STAC2: variants seen among roughly 807,000 people sequenced by gnomAD.
STAC2 encodes SH3 and cysteine rich domain 2.
In STAC2, 36 loss-of-function variants were observed where a neutral mutation model predicts 49.0. That is an observed-to-expected ratio of 0.74 (90% CI 0.56 to 0.97). The LOEUF (loss-of-function observed/expected upper bound fraction) is 0.97, where lower values mean the gene tolerates loss of function less well. STAC2 is among the 50% of genes least tolerant of loss of function. The probability of loss-of-function intolerance (pLI) is 0.00; values close to 1 mark genes in which losing one functional copy is unlikely to be tolerated. For synonymous variants in STAC2, 239 were observed against 214.7 expected (o/e 1.11, Z -0.99); for missense variants, 527 against 543.8 (o/e 0.97, Z 0.31).
Position 39,217,944 on chromosome 17 carries a change from G to C in STAC2, c.320C>G (p.Pro107Arg), listed in dbSNP as rs2046421011. ...TTCCTGGAAGCTGTGCAGCCTCACT[G>C]GTTTGAGCGCTGCCAGGGGGCGTGG... is the stretch of plus-strand genomic sequence containing the variant. Reference protein sequence around the residue: ...PVPRPLAALKPVRLHSFQEHV... With the variant: ...PVPRPLAALKRVRLHSFQEHV... The change falls in exon 2 of 11, where the codon CCA becomes CGA. Residue 107 changes from proline (P) to arginine (R), a missense_variant. By Grantham distance (103) the Pro-to-Arg change is moderately radical. Coordinates refer to ENST00000333461, the MANE Select transcript of STAC2 (RefSeq NM_198993.5). 1 of 1,601,192 alleles carries C rather than the reference G, an allele frequency of 6.2e-7. No individual in the cohort carries two copies. The highest frequency in any genetic ancestry group is 1.3e-5 in the African/African-American group (1 of 74,620).
At chr17:39,224,254 T>C (rs545272045) in intron 1 of STAC2, among the ~76,000 whole-genome samples, 8 of 152,306 alleles carry the variant, frequency 5.3e-5, no homozygotes, top group African/African-American at 1.7e-4. Flanking sequence ...GCTCCCATCA[T>C]TTCTGGTCCT....
At chr17:39,217,757 T>C (rs1021041794) in intron 2 of STAC2, 110 bp downstream of exon 2, 30 of 1,111,294 alleles carry the variant, frequency 2.7e-5, no homozygotes, top group Middle Eastern at 3.0e-4. Context: ...ACAATTAGTA[T>C]TGGGGCTCCT....
At chr17:39,217,294 C>T (rs980800916) in intron 2 of STAC2, 121 bp from the exon 3 acceptor site, 64 of 883,176 alleles carry the variant, frequency 7.2e-5, no homozygotes, top group Non-Finnish European at 1.1e-4. Flanking sequence ...TGAGGCCCAG[C>T]ACCTACCCCT....
chr17:39,211,707 T>C lies in STAC2; in HGVS notation c.*585A>G, dbSNP rs2046355663. 6.5e-6 allele frequency: 1 copy of C among 152,674 alleles called. No individual in the cohort carries two copies. Among genetic ancestry groups the C allele is most frequent in the Non-Finnish European group, 1.5e-5 (1 of 68,054 alleles). The allele number at this position is 152,674 out of a possible 1,614,324, so 9.5% of individuals were successfully genotyped here. ...AACGGGAGAGATTCCTGCAAAACTT[T>C]CCTGAGAATTGACGGAATGACAGAG... On this transcript the variant is annotated 3_prime_UTR_variant, in exon 11 of 11. Coordinates refer to ENST00000333461, the MANE Select transcript of STAC2 (RefSeq NM_198993.5).
At chr17:39,215,633 C>T (rs2046395413) in intron 4 of STAC2, among the ~76,000 whole-genome samples, 1 of 152,240 alleles carries the variant, frequency 6.6e-6, no homozygotes, top group African/African-American at 2.4e-5. Flanking sequence ...TAGAAACACA[C>T]AAATTACCCT....
intron 1 of STAC2, among the ~76,000 whole-genome samples, chr17:39,222,100 G>A (rs77597793): frequency 0.023 from 3,445 of 152,198 alleles, 129 homozygotes; most frequent in African/African-American, 0.079. Flanking sequence ...CTCCAGAAAG[G>A]GCTACTCCCT....
rs199792866 is a variant in STAC2, at chr17:39,216,856, A to T, written c.540T>A (p.His180Gln). 7 of 1,604,144 alleles carry T rather than the reference A, an allele frequency of 4.4e-6. No individual in the cohort carries two copies. The highest frequency in any genetic ancestry group is 2.2e-5 in the East Asian group (1 of 44,624). The change falls in exon 4 of 11, where the codon CAT becomes CAA. Residue 180 changes from histidine to glutamine, a missense_variant. By Grantham distance (24) the His-to-Gln change is conservative (BLOSUM62 0). Transcript: ENST00000333461. ...TTGTGGCACAGACTGGTGGCGGCTCATGCACCAGGAGAGGGGAACTGAAGT... is the reference window on the plus strand; with the variant it reads ...TTGTGGCACAGACTGGTGGCGGCTCTTGCACCAGGAGAGGGGAACTGAAGT... ...RRNFSSPLLV[H>Q]EPPPVCATSK...
intron 1 of STAC2, among the ~76,000 whole-genome samples, chr17:39,220,995 A>G (rs542250381): frequency 6.7e-6 from 1 of 148,868 alleles, no homozygotes; most frequent in South Asian, 2.1e-4. Context: ...ACGGGGTTTC[A>G]CCGTGTTAGG....
chr17:39,220,694 G>C lies in STAC2; in HGVS notation c.91-2521C>G, dbSNP rs1017234089. Among the ~76,000 whole-genome samples, 32 of 152,164 alleles carry C rather than the reference G, an allele frequency of 2.1e-4. 1 individual carries two copies. The highest frequency in any genetic ancestry group is 7.5e-4 in the African/African-American group (31 of 41,534). ...TCACTGTGTTAGCCATGATGGTCTT[G>C]ATCTCCTGACCTCGTGATTTGCCCG... On this transcript the variant is annotated intron_variant, in intron 1 of 10. Transcript: ENST00000333461.
chr17:39,216,830 C>T lies in STAC2; in HGVS notation c.566G>A (p.Ser189Asn), dbSNP rs373762506. 2 of 1,597,904 alleles carry T rather than the reference C, an allele frequency of 1.3e-6. No homozygotes were observed. Among genetic ancestry groups the T allele is most frequent in the African/African-American group, 2.7e-5 (2 of 74,666 alleles). ...CTCACCAGTGGGTGGGGACTCTTTG[C>T]TTGTGGCACAGACTGGTGGCGGCTC... is the stretch of plus-strand genomic sequence containing the variant. ...VHEPPPVCAT[S>N]KESPPTGDSG... is the part of the protein sequence containing the mutation. Residue 189 changes from serine to asparagine, a missense_variant, in exon 4 of 11, where the codon AGC (serine) becomes AAC (asparagine). Physicochemically the swap from Ser to Asn is conservative, Grantham distance 46. Transcript: ENST00000333461.
rs766076671 is a variant in STAC2, at chr17:39,214,936, CCCA to C, written c.772+12_772+14del. ...TTGTACCCCATTCCTGCCCTTGATGCCCACCACCACTCACCACTGTCACCAGGC... is the reference window on the plus strand; with the variant it reads ...TTGTACCCCATTCCTGCCCTTGATGCCCACCACTCACCACTGTCACCAGGC... On this transcript the variant is annotated intron_variant, in intron 6 of 10. Transcript: ENST00000333461. 6.2e-7 allele frequency: 1 copy of C among 1,614,028 alleles called. No homozygotes were observed.
At chr17:39,212,449 C>T in intron 10 of STAC2, 53 bp from the exon 11 acceptor site, 3 of 1,447,354 alleles carry the variant, frequency 2.1e-6, no homozygotes, top group South Asian at 1.2e-5. Flanking sequence ...AGCCCTGGCC[C>T]TGAGTCCTGC....
rs768782206 is a variant in STAC2 at position 39,217,870 on chromosome 17, C to T, written c.394G>A (p.Val132Ile). The change falls in exon 2 of 11, where the codon GTA (valine) becomes ATA (isoleucine). Residue 132 changes from valine to isoleucine, a missense_variant. Transcript: ENST00000333461. ...SPCELCHQLI[V>I]GNSKQGLRCK... ...GCCTCAGTGCCCAGGCACCTACCTA[C>T]GATGAGCTGGTGGCACAGCTCACAA... 3.7e-6 allele frequency: 6 copies of T among 1,601,460 alleles called. No individual in the cohort carries two copies. The highest frequency in any genetic ancestry group is 2.2e-5 in the South Asian group (2 of 89,012).
Position 39,214,965 on chromosome 17 carries a change from C to T in STAC2, c.758G>A (p.Gly253Glu). ...GEGSIRSSEEGPGDSASPVFT... is the reference protein window; with the variant it reads ...GEGSIRSSEEEPGDSASPVFT... ...CCACCACTCACCACTGTCACCAGGC[C>T]CCTCCTCAGAGCTGCGGATGCTGCC... is the stretch of plus-strand genomic sequence containing the variant. The change falls in exon 6 of 11, where the codon GGG (glycine) becomes GAG (glutamate). Residue 253 changes from glycine (G) to glutamate (E), a missense_variant. By Grantham distance (98) the Gly-to-Glu change is moderately conservative (BLOSUM62 -2). Transcript: ENST00000333461. 1 of 1,614,128 alleles carries T rather than the reference C, an allele frequency of 6.2e-7. No individual in the cohort carries two copies. The highest frequency in any genetic ancestry group is 8.5e-7 in the Non-Finnish European group (1 of 1,180,006).
intron 4 of STAC2, among the ~76,000 whole-genome samples, chr17:39,216,011 C>A (rs575577816): frequency 2.0e-5 from 3 of 152,090 alleles, no homozygotes; most frequent in African/African-American, 7.2e-5. Context: ...TTCTTTAACT[C>A]CCTGTCCTTC....
chr17:39,215,019 T>C lies in STAC2; in HGVS notation c.704A>G (p.Glu235Gly). Reference protein sequence around the residue: ...TSESPTRSLSERDELTEDGEG... With the variant: ...TSESPTRSLSGRDELTEDGEG... ...CCCATCCTCGGTCAGCTCATCCCGCTCACTCTAGGGACAGAGAGAGGAGAG... is the reference window on the plus strand; with the variant it reads ...CCCATCCTCGGTCAGCTCATCCCGCCCACTCTAGGGACAGAGAGAGGAGAG... Residue 235 changes from glutamate (E) to glycine (G), a missense_variant, in exon 6 of 11, where the codon GAG (glutamate) becomes GGG (glycine). Transcript: ENST00000333461. 6.2e-7 allele frequency: 1 copy of C among 1,613,902 alleles called. No homozygotes were observed. The highest frequency in any genetic ancestry group is 1.1e-5 in the South Asian group (1 of 91,062).
intron 1 of STAC2, among the ~76,000 whole-genome samples, chr17:39,222,373 C>G (rs2046471486): frequency 6.6e-6 from 1 of 152,190 alleles, no homozygotes; most frequent in African/African-American, 2.4e-5. Flanking sequence ...GCTGTGGGCC[C>G]CAGATCCCAG....
In STAC2 at chr17:39,225,585, G is replaced by T; in HGVS notation, c.-83C>A. The T allele has an allele frequency of 1.5e-6, 2 of 1,333,762 alleles. No individual in the cohort carries two copies. Among genetic ancestry groups the T allele is most frequent in the Non-Finnish European group, 2.1e-6 (2 of 947,708 alleles). 82.6% of individuals were successfully genotyped at this position (1,333,762 alleles called of 1,614,324 possible). ...AGGCTGCGGGTGGCGGGCGTCTCCG[G>T]GACTCTGAAGCCGTTCTCCAGAGGC... On this transcript the variant is annotated 5_prime_UTR_variant, in exon 1 of 11. Coordinates refer to ENST00000333461, the MANE Select transcript of STAC2 (RefSeq NM_198993.5). This position sits in a 1 kb window ranked among gnomAD's most constrained non-coding sequence, Gnocchi z 8.2.
Position 39,217,963 on chromosome 17 carries a change from G to C in STAC2, c.301C>G (p.Pro101Ala), listed in dbSNP as rs374601554. ...CTCACTGGTTTGAGCGCTGCCAGGG[G>C]GCGTGGGACTGGGCATGGGGAGGGG... is the stretch of plus-strand genomic sequence containing the variant. The part of the protein sequence containing the change: ...PSPSPCPVPR[P>A]LAALKPVRLH... Residue 101 changes from proline to alanine, a missense_variant, in exon 2 of 11, where the codon CCC becomes GCC. By Grantham distance (27) the Pro-to-Ala change is conservative. Coordinates refer to ENST00000333461, the MANE Select transcript of STAC2 (RefSeq NM_198993.5). 67 of 1,594,518 alleles carry C rather than the reference G, an allele frequency of 4.2e-5. 1 individual carries two copies. The highest frequency in any genetic ancestry group is 2.7e-5 in the African/African-American group (2 of 74,548).
Sources: allele counts gnomAD v4.1 joint callset (sites outside exome capture counted in the v4.1 genomes callset), GRCh38; gene constraint gnomAD v4.1.1; non-coding constraint Gnocchi (gnomAD v3.1); transcripts MANE v1.5; gene names NCBI Gene and HGNC (gene_info 2026-07-23, HGNC 2026-07-21).